Variants in CNTRL observed in about 807,000 individuals in gnomAD.
The protein encoded by CNTRL is 110 kDa centrosomal protein.
In CNTRL, 233 loss-of-function variants were observed where a neutral mutation model predicts 303.7. The observed-to-expected ratio is 0.77, with a 90% CI of 0.69 to 0.86. The LOEUF (loss-of-function observed/expected upper bound fraction) is 0.86, where lower values mean the gene tolerates loss of function less well. Among genes scored for constraint, CNTRL ranks in the 40% least tolerant of loss-of-function variants. CNTRL has a pLI of 0.00. For missense variants in CNTRL, 2,524 were observed against 2,650.6 expected, an observed-to-expected ratio of 0.95 and a Z score of 1.05; for synonymous variants, 900 against 922.2, an observed-to-expected ratio of 0.98 and a Z score of 0.44.
chr9:121,093,621 T>G (rs1469739444), intron 4 of CNTRL, among the ~76,000 whole-genome samples: 3 of 152,172 alleles, frequency 2.0e-5, no homozygotes, highest in Admixed American at 2.0e-4. Context: ...GATGATAGCT[T>G]CATAGTAAAA....
chr9:121,091,799 G>A (rs543951400), intron 4 of CNTRL, among the ~76,000 whole-genome samples: 5 of 151,666 alleles, frequency 3.3e-5, no homozygotes, highest in Admixed American at 6.6e-5. Context: ...AGCCAAGATC[G>A]CGCCATTGTA....
At chr9:121,148,584 A>G in intron 23 of CNTRL, 88 bp from the exon 24 acceptor site, 4 of 1,246,646 alleles carry the variant, frequency 3.2e-6, no homozygotes, top group Non-Finnish European at 4.5e-6. Context: ...ACCTTGCTAC[A>G]TCTCAACTTT....
At chr9:121,138,463 A>G (rs1485054387) in intron 15 of CNTRL, 82 bp from the exon 16 acceptor site, 8 of 1,372,398 alleles carry the variant, frequency 5.8e-6, no homozygotes, top group Admixed American at 1.9e-5. Context: ...GATTGTGTGT[A>G]TATGTAAATT....
At chr9:121,174,906 A>T in intron 42 of CNTRL, 112 bp from the exon 43 acceptor site, 1 of 889,794 alleles carries the variant, frequency 1.1e-6, no homozygotes, top group Non-Finnish European at 1.8e-6. Context: ...CATTTTTGAC[A>T]GCCATTCCTA....
chr9:121,150,779 A>C, intron 25 of CNTRL: 5 of 328,724 alleles, frequency 1.5e-5, no homozygotes, highest in Non-Finnish European at 2.8e-5. Context: ...CAAAAATACC[A>C]TGTACAGGAG....
At chr9:121,143,818 A>C in intron 19 of CNTRL, 85 bp from the exon 20 acceptor site, 1 of 1,039,864 alleles carries the variant, frequency 9.6e-7, no homozygotes, top group Non-Finnish European at 1.4e-6. Flanking sequence ...AGCAGTGAAC[A>C]GAGTCCCTAC....
At chr9:121,127,713 TATAC>T in intron 14 of CNTRL, among the ~76,000 whole-genome samples, 1 of 152,192 alleles carries the variant, frequency 6.6e-6, no homozygotes, top group East Asian at 1.9e-4. Context: ...GTTACATAGG[TATAC>T]ATGTTTCACG....
Position 121,171,555 on chromosome 9 carries a change from G to A in CNTRL, c.6417+7G>A, listed in dbSNP as rs535984417. On this transcript the variant is annotated splice_region_variant and intron_variant, in intron 40 of 43. Coordinates refer to ENST00000373855, the MANE Select transcript of CNTRL (RefSeq NM_007018.6). ...CACGGAGCTCAAGAAACAGGTGTGT[G>A]CCCAGAAAGCCCAGCTGGCCAGCCT... 6.2e-7 allele frequency: 1 copy of A among 1,611,730 alleles called. No homozygotes were observed. Among genetic ancestry groups the A allele is most frequent in the South Asian group, 1.1e-5 (1 of 90,852 alleles).
In CNTRL at chr9:121,096,488, G is replaced by A; in HGVS notation, c.546G>A (p.Glu182=). Reference sequence around the variant, plus strand: ...TTAACCTTGCAGGAAATGAAATTGAGCATATTCCAGTATGGTTAGGGAAGA... The same window carrying A: ...TTAACCTTGCAGGAAATGAAATTGAACATATTCCAGTATGGTTAGGGAAGA... ...QKLNLAGNEI[E]HIPVWLGKKL... The change falls in exon 6 of 44, where the codon GAG becomes GAA. Residue 182 remains glutamate, a synonymous_variant. Transcript: ENST00000373855. 2 of 1,572,002 alleles carry A rather than the reference G, an allele frequency of 1.3e-6. No homozygotes were observed. Among genetic ancestry groups the A allele is most frequent in the Non-Finnish European group, 1.7e-6 (2 of 1,155,106 alleles).
At chr9:121,173,584 G>T (rs1004357669) in intron 41 of CNTRL, 75 bp downstream of exon 41, 3 of 1,609,412 alleles carry the variant, frequency 1.9e-6, no homozygotes, top group Non-Finnish European at 2.6e-6. Flanking sequence ...ACACAGATGT[G>T]GGGGTGCTGG....
intron 24 of CNTRL, 139 bp from the exon 25 acceptor site, chr9:121,150,030 CT>C (rs2052128786): frequency 8.6e-6 from 5 of 578,110 alleles, no homozygotes; most frequent in East Asian, 3.1e-5. Flanking sequence ...TAGTTTTGAC[CT>C]TTTTTTCAGA....
chr9:121,150,437 TC>T lies in CNTRL; in HGVS notation c.3920del (p.Pro1307LeufsTer15), dbSNP rs2052161025. 6.2e-7 allele frequency: 1 copy of T among 1,614,014 alleles called. No individual in the cohort carries two copies. Among genetic ancestry groups the T allele is most frequent in the South Asian group, 1.1e-5 (1 of 91,086 alleles). On this transcript the variant is annotated frameshift_variant, in exon 25 of 44. Coordinates refer to ENST00000373855, the MANE Select transcript of CNTRL (RefSeq NM_007018.6). LOFTEE classifies it high-confidence loss of function. ...PPPPNFSIPF[I>X]PMGVLHCNVP... The stretch of plus-strand genomic sequence containing the variant: ...CCCCCCAACTTCTCCATCCCCTTCA[TC>T]CCTATGGGTGTGCTGCATTGCAACG...
chr9:121,144,912 G>A lies in CNTRL; in HGVS notation c.3121G>A (p.Ala1041Thr). 6.2e-7 allele frequency: 1 copy of A among 1,613,598 alleles called. No individual in the cohort carries two copies. Among genetic ancestry groups the A allele is most frequent in the East Asian group, 2.2e-5 (1 of 44,886 alleles). ...AGCCAGAGATCTCACCCGAGCAGAA[G>A]CTGAGATCGAACTCCTGCAGAATCT... ...QAARDLTRAE[A>T]EIELLQNLLR... is the part of the protein sequence containing the mutation. Residue 1041 changes from alanine to threonine, a missense_variant, in exon 21 of 44, where the codon GCT (alanine) becomes ACT (threonine). Ala to Thr is a moderately conservative substitution (Grantham distance 58). Transcript: ENST00000373855.
chr9:121,124,479 C>T (rs1020857064), intron 13 of CNTRL, among the ~76,000 whole-genome samples: 1 of 152,068 alleles, frequency 6.6e-6, no homozygotes, highest in Non-Finnish European at 1.5e-5. Context: ...ATTTAAACTG[C>T]GACATATCCA....
chr9:121,137,767 TTAA>T (rs2051276987), intron 15 of CNTRL, among the ~76,000 whole-genome samples: 1 of 152,222 alleles, frequency 6.6e-6, no homozygotes, highest in African/African-American at 2.4e-5. Flanking sequence ...GGCATTTTCC[TTAA>T]TAAATTCTCC....
intron 40 of CNTRL, among the ~76,000 whole-genome samples, chr9:121,171,848 A>G (rs1400330559): frequency 6.6e-6 from 1 of 152,228 alleles, no homozygotes; most frequent in East Asian, 1.9e-4. Context: ...GCTAGATTTT[A>G]TGCCATAAAC....
intron 12 of CNTRL, chr9:121,121,680 C>T: frequency 1.8e-6 from 1 of 571,258 alleles, no homozygotes; most frequent in Non-Finnish European, 2.2e-6. Context: ...TGATTGGCCC[C>T]TGGGAGCTTC....
intron 7 of CNTRL, among the ~76,000 whole-genome samples, chr9:121,106,979 G>C (rs2049506282): frequency 1.3e-5 from 2 of 152,134 alleles, no homozygotes; most frequent in East Asian, 3.8e-4. Flanking sequence ...AGGTGAGCCA[G>C]GTAGATGTAG....
intron 14 of CNTRL, among the ~76,000 whole-genome samples, chr9:121,134,842 T>TCA (rs1229683243): frequency 6.6e-6 from 1 of 152,252 alleles, no homozygotes; most frequent in Non-Finnish European, 1.5e-5. Flanking sequence ...CATTTGCTGT[T>TCA]CAAGTTTCCT....
Sources: allele counts gnomAD v4.1 joint callset (sites outside exome capture counted in the v4.1 genomes callset), GRCh38; gene constraint gnomAD v4.1.1; transcripts MANE v1.5; gene names NCBI Gene and HGNC (gene_info 2026-07-23, HGNC 2026-07-21).